Variants in SHROOM3 observed in about 807,000 individuals in gnomAD.
SHROOM3 encodes the protein protein Shroom3.
SHROOM3 carries 47 observed loss-of-function variants against 138.6 expected under a neutral mutation model. The observed-to-expected ratio is 0.34, with a 90% CI of 0.27 to 0.43. The LOEUF is 0.43. Ranked by LOEUF, SHROOM3 falls within the 20% of genes least tolerant of loss-of-function variation. The pLI is 1.00. For synonymous variants in SHROOM3, 1,062 were observed against 1,063.3 expected (o/e 1.00, Z 0.02); for missense variants, 2,491 against 2,596.5 (o/e 0.96, Z 0.88).
intron 2 of SHROOM3, among the ~76,000 whole-genome samples, chr4:76,653,104 G>A (rs994448265): frequency 1.3e-5 from 2 of 152,156 alleles, no homozygotes; most frequent in South Asian, 4.2e-4. Flanking sequence ...ATATTATGAA[G>A]AATTGCTCAG....
chr4:76,588,477 AC>A (rs1734195445), intron 2 of SHROOM3, among the ~76,000 whole-genome samples: 1 of 152,162 alleles, frequency 6.6e-6, no homozygotes, highest in Admixed American at 6.5e-5. Flanking sequence ...CAAGAAAGCC[AC>A]GCAGCCTCCC....
chr4:76,529,600 C>T (rs948730797), intron 1 of SHROOM3, among the ~76,000 whole-genome samples: 13 of 152,312 alleles, frequency 8.5e-5, no homozygotes, highest in Admixed American at 2.0e-4. Context: ...GCTGGGGTTA[C>T]AGGCATGAGC....
chr4:76,459,357 A>G (rs1339063655), intron 1 of SHROOM3, among the ~76,000 whole-genome samples: 4 of 152,206 alleles, frequency 2.6e-5, no homozygotes, highest in Non-Finnish European at 5.9e-5. Flanking sequence ...CCATTAAGGC[A>G]TGCTTGAGTG....
intron 1 of SHROOM3, among the ~76,000 whole-genome samples, chr4:76,541,213 T>C (rs1010600607): frequency 6.6e-6 from 1 of 152,134 alleles, no homozygotes; most frequent in Non-Finnish European, 1.5e-5. Context: ...AGAATTTCAG[T>C]CTAAGGAATG....
intron 3 of SHROOM3, among the ~76,000 whole-genome samples, chr4:76,729,503 A>G (rs1720811803): frequency 6.6e-6 from 1 of 152,220 alleles, no homozygotes; most frequent in African/African-American, 2.4e-5. Flanking sequence ...GAGTTGAAGT[A>G]TATGTTTGTG....
chr4:76,683,919 C>G (rs1013808512), intron 2 of SHROOM3, among the ~76,000 whole-genome samples: 1 of 152,114 alleles, frequency 6.6e-6, no homozygotes, highest in Admixed American at 6.5e-5. Flanking sequence ...CAGAATTCTT[C>G]TTCCTGCAAT....
rs1718647907 is a variant in SHROOM3 at position 76,664,833 on chromosome 4, C to CCT, written c.324-45320_324-45319dup. On this transcript the variant is annotated intron_variant, in intron 2 of 10. Coordinates refer to ENST00000296043, the MANE Select transcript of SHROOM3 (RefSeq NM_020859.4). The surrounding 1 kb of genome is among the most constrained non-coding windows in gnomAD (Gnocchi z 4.2). Reference sequence around the variant, plus strand: ...AAAACTCCATTTCCCTCTTCCACAGCCTCTGGTTGCGCCTTGGTTTTAAAG... The same window carrying CCT: ...AAAACTCCATTTCCCTCTTCCACAGCCTCTCTGGTTGCGCCTTGGTTTTAAAG... Among the ~76,000 whole-genome samples, 1 of 152,124 alleles carries CCT rather than the reference C, an allele frequency of 6.6e-6. No individual in the cohort carries two copies. Among genetic ancestry groups the CCT allele is most frequent in the Non-Finnish European group, 1.5e-5 (1 of 68,026 alleles).
intron 1 of SHROOM3, among the ~76,000 whole-genome samples, chr4:76,448,298 C>T (rs1026872334): frequency 5.9e-5 from 9 of 152,260 alleles, no homozygotes; most frequent in African/African-American, 2.2e-4. Context: ...CACTGGGAAA[C>T]AACAGAAGAT....
intron 4 of SHROOM3, among the ~76,000 whole-genome samples, chr4:76,732,139 A>G (rs1440034729): frequency 6.6e-6 from 1 of 152,226 alleles, no homozygotes; most frequent in Non-Finnish European, 1.5e-5. Context: ...CCAGGGAGTT[A>G]GACTCCGTAG....
At chr4:76,438,120 T>C (rs1374692699) in intron 1 of SHROOM3, among the ~76,000 whole-genome samples, 1 of 152,222 alleles carries the variant, frequency 6.6e-6, no homozygotes, top group African/African-American at 2.4e-5. Flanking sequence ...GAGACAGGTC[T>C]GGCTGCTGTA....
intron 1 of SHROOM3, among the ~76,000 whole-genome samples, chr4:76,514,367 A>G (rs1360472015): frequency 6.6e-6 from 1 of 152,198 alleles, no homozygotes; most frequent in East Asian, 1.9e-4. Flanking sequence ...GAGAAACCTT[A>G]AAAAACTGAA....
At chr4:76,493,224 CAAAAAAAAAAA>C (rs35837765) in intron 1 of SHROOM3, among the ~76,000 whole-genome samples, 3 of 56,550 alleles carry the variant, frequency 5.3e-5, no homozygotes, top group Non-Finnish European at 1.2e-4. Flanking sequence ...AACTCCATCT[CAAAAAAAAAAA>C]AAAAAAAAAA....
chr4:76,553,900 C>A (rs80155411), intron 1 of SHROOM3, among the ~76,000 whole-genome samples: 2,320 of 152,304 alleles, frequency 0.015, 64 homozygotes, highest in African/African-American at 0.053. Context: ...CACATAGCCT[C>A]CCCCACTATC....
At chr4:76,720,151 G>GTTTTTTTTTTTTTTTTTTTTT (rs59839066) in intron 3 of SHROOM3, among the ~76,000 whole-genome samples, 1 of 82,998 alleles carries the variant, frequency 1.2e-5, no homozygotes, top group African/African-American at 4.9e-5. Context: ...TGTTTTTTAG[G>GTTTTTTTTTTTTTTTTTTTTT]TTTTTTTTTT....
chr4:76,604,408 G>A (rs1734574389), intron 2 of SHROOM3, among the ~76,000 whole-genome samples: 1 of 152,162 alleles, frequency 6.6e-6, no homozygotes, highest in Admixed American at 6.5e-5. Context: ...TGGTTTTGCA[G>A]CTTTGGGTTT....
At chr4:76,517,896 C>T (rs559838467) in intron 1 of SHROOM3, among the ~76,000 whole-genome samples, 2 of 152,216 alleles carry the variant, frequency 1.3e-5, no homozygotes, top group East Asian at 1.9e-4. Flanking sequence ...GTAGCCTCAC[C>T]GGGATATTGC....
chr4:76,455,996 C>G (rs1231909015), intron 1 of SHROOM3, among the ~76,000 whole-genome samples: 1 of 151,944 alleles, frequency 6.6e-6, no homozygotes, highest in Admixed American at 6.6e-5. Context: ...TCCTTTTGTA[C>G]ACTTTACTTT....
intron 2 of SHROOM3, among the ~76,000 whole-genome samples, chr4:76,680,386 G>A (rs907551868): frequency 2.0e-5 from 3 of 152,092 alleles, no homozygotes; most frequent in South Asian, 2.1e-4. Flanking sequence ...CGATCTGCCC[G>A]CCTCGGCCTC....
intron 5 of SHROOM3, among the ~76,000 whole-genome samples, chr4:76,745,284 T>C (rs1307908002): frequency 1.3e-5 from 2 of 152,238 alleles, no homozygotes; most frequent in Non-Finnish European, 2.9e-5. Flanking sequence ...TATCTGTTCA[T>C]TGCATAGATT....
Sources: gnomAD v4.1 joint callset for allele counts (sites outside exome capture counted in the v4.1 genomes callset) on GRCh38, gnomAD v4.1.1 for gene constraint, Gnocchi (gnomAD v3.1) non-coding constraint, MANE v1.5 for transcripts, NCBI Gene and HGNC (gene_info 2026-07-23, HGNC 2026-07-21) for gene names.